Variants in CCDC30 observed in about 807,000 individuals in gnomAD.
CCDC30 encodes the protein coiled-coil domain containing 30, also known as coiled-coil domain-containing protein 30.
Under a neutral mutation model 100.2 loss-of-function variants are expected in CCDC30, and 70 were observed. That is an observed-to-expected ratio of 0.70 (90% confidence interval 0.58 to 0.85). The LOEUF (loss-of-function observed/expected upper bound fraction) is 0.85. Ranked by LOEUF, CCDC30 falls within the 40% of genes least tolerant of loss-of-function variation. The pLI, the probability that CCDC30 is intolerant of heterozygous loss-of-function variation, is 0.00. For synonymous variants in CCDC30, 233 were observed against 269.5 expected, an observed-to-expected ratio of 0.86 and a Z score of 1.33; for missense variants, 652 against 771.2, an observed-to-expected ratio of 0.85 and a Z score of 1.83.
chr1:42,576,933 G>T, intron 7 of CCDC30, 87 bp from the exon 12 acceptor site: 1 of 956,706 alleles, frequency 1.0e-6, no homozygotes. Context: ...GGCTTTTAGG[G>T]GACTATACTC....
In CCDC30 at chr1:42,541,494, C is replaced by G. The variant is rs113122660; in HGVS notation, c.457-24802C>G. On this transcript the variant is annotated intron_variant, in intron 6 of 16. Coordinates refer to ENST00000668663, the Ensembl canonical transcript of CCDC30. The stretch of plus-strand genomic sequence containing the variant: ...TTTCTCACGATGTAATTCAGATTAC[C>G]CACACTACAGAGATAATGTTGTATC... Among the ~76,000 whole-genome samples the G allele has an allele frequency of 6.1e-3, 926 of 152,254 alleles. 6 individuals carry two copies. Among genetic ancestry groups the G allele is most frequent in the African/African-American group, 0.021 (863 of 41,548 alleles).
intron 6 of CCDC30, among the ~76,000 whole-genome samples, chr1:42,505,402 C>T (rs72659931): frequency 0.14 from 20,704 of 151,994 alleles, 1,549 homozygotes; most frequent in East Asian, 0.19. Context: ...GCAGGGCTAG[C>T]CTAAAATGTA....
At chr1:42,621,113 C>G (rs1363322602) in intron 11 of CCDC30, among the ~76,000 whole-genome samples, 1 of 152,206 alleles carries the variant, frequency 6.6e-6, no homozygotes, top group East Asian at 1.9e-4. Context: ...ATCTGATTAG[C>G]AGAAGTTACA....
intron 6 of CCDC30, among the ~76,000 whole-genome samples, chr1:42,541,394 G>A (rs1424403734): frequency 6.6e-6 from 1 of 152,200 alleles, no homozygotes; most frequent in Non-Finnish European, 1.5e-5. Flanking sequence ...TGAACTTTGA[G>A]TCAACACAAA....
chr1:42,503,921 A>C (rs1447278670), intron 6 of CCDC30, among the ~76,000 whole-genome samples: 2 of 152,182 alleles, frequency 1.3e-5, no homozygotes, highest in Non-Finnish European at 1.5e-5. Flanking sequence ...TTAAAGACAC[A>C]CACACAGAAA....
intron 10 of CCDC30, among the ~76,000 whole-genome samples, chr1:42,604,596 G>T (rs956118501): frequency 2.0e-5 from 3 of 152,180 alleles, no homozygotes; most frequent in African/African-American, 7.2e-5. Flanking sequence ...TCCACACCTC[G>T]AATTGTGAAA....
At chr1:42,586,078 T>C (rs1161482605) in intron 9 of CCDC30, among the ~76,000 whole-genome samples, 1 of 152,200 alleles carries the variant, frequency 6.6e-6, no homozygotes, top group Non-Finnish European at 1.5e-5. Flanking sequence ...AACACGGATA[T>C]CTATGGAGTG....
rs75350298 is a variant in CCDC30, at chr1:42,483,725, A to C, written c.169+909A>C. Among the ~76,000 whole-genome samples the C allele has an allele frequency of 5.9e-3, 903 of 151,890 alleles. 8 individuals carry two copies. Among genetic ancestry groups the C allele is most frequent in the African/African-American group, 0.02 (833 of 41,424 alleles). The stretch of plus-strand genomic sequence containing the variant: ...TTTTTCTATTTTATTTATTTGTGGG[A>C]GTTCTTTATATATTGTGGATATGAG... On this transcript the variant is annotated intron_variant, in intron 3 of 16. Coordinates refer to ENST00000668663, the Ensembl canonical transcript of CCDC30.
At chr1:42,523,384 T>A (rs967070948) in intron 6 of CCDC30, among the ~76,000 whole-genome samples, 2 of 152,216 alleles carry the variant, frequency 1.3e-5, no homozygotes. Context: ...GACAATTTTT[T>A]CCTGTTAGAA....
intron 11 of CCDC30, among the ~76,000 whole-genome samples, chr1:42,614,000 A>G (rs573985402): frequency 2.6e-5 from 4 of 152,108 alleles, no homozygotes; most frequent in East Asian, 1.9e-4. Flanking sequence ...ATATAAGAGT[A>G]GCAATTTTAC....
chr1:42,511,490 A>G (rs1298754787), intron 6 of CCDC30, among the ~76,000 whole-genome samples: 2 of 152,102 alleles, frequency 1.3e-5, no homozygotes, highest in Non-Finnish European at 2.9e-5. Context: ...TTCCCTTACT[A>G]TTTAAGTACT....
chr1:42,636,752 G>A (rs1189643820), intron 11 of CCDC30, among the ~76,000 whole-genome samples: 2 of 151,952 alleles, frequency 1.3e-5, no homozygotes, highest in African/African-American at 4.8e-5. Flanking sequence ...CGGATCACAA[G>A]GTCAGGAGTT....
At chr1:42,539,638 G>A (rs900512974) in intron 6 of CCDC30, among the ~76,000 whole-genome samples, 1 of 151,928 alleles carries the variant, frequency 6.6e-6, no homozygotes. Context: ...TAAAAATTTA[G>A]GATCAAAGCA....
chr1:42,560,281 T>A (rs1377512564), intron 6 of CCDC30, among the ~76,000 whole-genome samples: 1 of 151,992 alleles, frequency 6.6e-6, no homozygotes, highest in Non-Finnish European at 1.5e-5. Context: ...AGATAAGAAA[T>A]AACTAAGATC....
chr1:42,626,652 A>G (rs886576579), intron 11 of CCDC30, among the ~76,000 whole-genome samples: 2 of 152,118 alleles, frequency 1.3e-5, no homozygotes, highest in African/African-American at 4.8e-5. Context: ...GGAGGGACCC[A>G]GGGGGAGGTA....
intron 3 of CCDC30, among the ~76,000 whole-genome samples, chr1:42,487,879 G>C (rs1371668469): frequency 6.6e-6 from 1 of 152,116 alleles, no homozygotes; most frequent in Non-Finnish European, 1.5e-5. Context: ...TTTCACCCTT[G>C]TAAGACTTTG....
chr1:42,482,534 C>T, intron 2 of CCDC30, 129 bp from the exon 3 acceptor site: 1 of 454,388 alleles, frequency 2.2e-6, no homozygotes, highest in Non-Finnish European at 3.4e-6. Flanking sequence ...CACACACTCA[C>T]ACACACAAAG....
chr1:42,489,010 G>A (rs764138392), intron 3 of CCDC30, among the ~76,000 whole-genome samples: 10 of 141,570 alleles, frequency 7.1e-5, no homozygotes, highest in East Asian at 6.4e-4. Context: ...CTCCTATGTC[G>A]TCTCCTTTGT....
intron 6 of CCDC30, among the ~76,000 whole-genome samples, chr1:42,504,516 A>G (rs1049069406): frequency 2.2e-4 from 34 of 152,230 alleles, no homozygotes; most frequent in African/African-American, 8.2e-4. Flanking sequence ...CTGCAGCACC[A>G]TTTGGAGTTT....
Sources: allele counts gnomAD v4.1 joint callset (sites outside exome capture counted in the v4.1 genomes callset), GRCh38; gene constraint gnomAD v4.1.1; transcripts MANE v1.5; gene names NCBI Gene and HGNC (gene_info 2026-07-23, HGNC 2026-07-21).